ZBTB20: variants seen among roughly 807,000 people sequenced by gnomAD.
The protein encoded by ZBTB20 is zinc finger and BTB domain-containing protein 20.
A neutral mutation model predicts 56.9 loss-of-function variants in ZBTB20; 9 were observed. That is an observed-to-expected ratio of 0.16 (90% CI 0.10 to 0.28). ZBTB20 has a LOEUF of 0.28. Ranked by LOEUF, ZBTB20 falls within the 10% of genes least tolerant of loss-of-function variation. ZBTB20 has a pLI of 1.00. For missense variants in ZBTB20, 655 were observed against 1,003.0 expected, an observed-to-expected ratio of 0.65 and a Z score of 4.69; for synonymous variants, 417 against 420.7, an observed-to-expected ratio of 0.99 and a Z score of 0.11.
At chr3:114,978,373 A>G (rs1174038699) in intron 2 of ZBTB20, among the ~76,000 whole-genome samples, 1 of 150,406 alleles carries the variant, frequency 6.6e-6, no homozygotes, top group Non-Finnish European at 1.5e-5. Context: ...TAAAATACAT[A>G]TGAAATAATA....
chr3:114,857,263 T>C (rs1430070566), intron 4 of ZBTB20, among the ~76,000 whole-genome samples: 2 of 152,188 alleles, frequency 1.3e-5, no homozygotes, highest in African/African-American at 2.4e-5. Flanking sequence ...TTTCTCATCT[T>C]TCCAAAGCCA....
At chr3:114,404,860 C>T (rs2087156747) in intron 7 of ZBTB20, among the ~76,000 whole-genome samples, 1 of 152,134 alleles carries the variant, frequency 6.6e-6, no homozygotes, top group Non-Finnish European at 1.5e-5. Context: ...AGTTTGCCTC[C>T]TTTTACTGCT....
At position 114,327,088 on chromosome 3, in the gene ZBTB20, C is replaced by CTAT. The variant is rs2079089736; in HGVS notation, c.*11914_*11916dup. The CTAT allele has an allele frequency of 6.6e-6, 1 of 152,102 alleles. No individual in the cohort carries two copies. The highest frequency in any genetic ancestry group is 1.5e-5 in the Non-Finnish European group (1 of 68,012). The allele number at this position is 152,102 out of a possible 1,614,324, so 9.4% of individuals were successfully genotyped here. A position where few individuals can be genotyped will look rare whatever the true frequency, so the allele number is the denominator to read the frequency against. On this transcript the variant is annotated 3_prime_UTR_variant, in exon 12 of 12. Coordinates refer to ENST00000675478, the MANE Select transcript of ZBTB20 (RefSeq NM_001348800.3). ...TTTGATGCATTAGTTACTGTTAGGG[C>CTAT]TATTGATGCTCCTGACAGGTGTCAG...
At chr3:114,561,462 T>C (rs1243998752) in intron 6 of ZBTB20, among the ~76,000 whole-genome samples, 1 of 152,182 alleles carries the variant, frequency 6.6e-6, no homozygotes, top group East Asian at 1.9e-4. Context: ...CCTTGATCCA[T>C]GGGCTGCTAA....
At chr3:115,089,766 A>C (rs1381063688) in intron 1 of ZBTB20, among the ~76,000 whole-genome samples, 1 of 151,826 alleles carries the variant, frequency 6.6e-6, no homozygotes, top group Non-Finnish European at 1.5e-5. Context: ...TGTTGTATGC[A>C]AAGATTAAAT....
chr3:114,566,012 TTC>T (rs1246281212), intron 6 of ZBTB20, among the ~76,000 whole-genome samples: 19 of 141,500 alleles, frequency 1.3e-4, no homozygotes, highest in African/African-American at 4.7e-4. Context: ...TTCTTTTTTT[TTC>T]TTTTTTTAAA....
At chr3:114,968,824 A>C (rs971239362) in intron 3 of ZBTB20, among the ~76,000 whole-genome samples, 1 of 152,238 alleles carries the variant, frequency 6.6e-6, no homozygotes, top group Non-Finnish European at 1.5e-5. Flanking sequence ...ATATAAAGTA[A>C]GCCAGGTTTA....
intron 7 of ZBTB20, among the ~76,000 whole-genome samples, chr3:114,400,184 G>A (rs2086692465): frequency 6.6e-6 from 1 of 152,072 alleles, no homozygotes; most frequent in Admixed American, 6.6e-5. Context: ...AGAACCAGCC[G>A]TGTGACCATG....
intron 7 of ZBTB20, among the ~76,000 whole-genome samples, chr3:114,389,717 G>A (rs987945278): frequency 3.3e-5 from 3 of 90,638 alleles, no homozygotes; most frequent in East Asian, 6.7e-4. Context: ...GTGAAACCCC[G>A]TCTCTACTAA....
chr3:114,917,540 A>T (rs1399355913), intron 3 of ZBTB20, among the ~76,000 whole-genome samples: 1 of 152,076 alleles, frequency 6.6e-6, no homozygotes, highest in Admixed American at 6.5e-5. Flanking sequence ...GGACTTGTTT[A>T]TTGTGACTAA....
chr3:114,398,913 G>A (rs2086569148), intron 7 of ZBTB20, among the ~76,000 whole-genome samples: 1 of 152,188 alleles, frequency 6.6e-6, no homozygotes, highest in Non-Finnish European at 1.5e-5. Context: ...TGAATTCAAG[G>A]CAGCTTGGCA....
Position 114,476,610 on chromosome 3 carries a change from C to CA in ZBTB20, c.-255+23741dup, listed in dbSNP as rs572811994. ...CCAGAGAGCAAGAAGGAGCCAAACT[C>CA]ACTTCTATAATGAACCCACTCTCAT... is the stretch of plus-strand genomic sequence containing the variant. On this transcript the variant is annotated intron_variant, in intron 7 of 11. Transcript: ENST00000675478. Among the ~76,000 whole-genome samples the CA allele has an allele frequency of 5.1e-4, 77 of 152,254 alleles. 1 individual carries two copies. Among genetic ancestry groups the CA allele is most frequent in the Admixed American group, 2.7e-3 (41 of 15,290 alleles).
chr3:115,037,153 T>G (rs540483056), intron 2 of ZBTB20, among the ~76,000 whole-genome samples: 1 of 152,164 alleles, frequency 6.6e-6, no homozygotes, highest in East Asian at 1.9e-4. Context: ...ATCGTTTTGC[T>G]TAACAATCTG....
intron 4 of ZBTB20, among the ~76,000 whole-genome samples, chr3:114,845,074 A>T (rs1055902839): frequency 2.6e-5 from 4 of 151,692 alleles, no homozygotes; most frequent in Non-Finnish European, 5.9e-5. Context: ...TTTTCATGAA[A>T]TCTAATTTAT....
At chr3:114,867,725 G>A (rs531188889) in intron 4 of ZBTB20, among the ~76,000 whole-genome samples, 3 of 152,166 alleles carry the variant, frequency 2.0e-5, no homozygotes, top group East Asian at 1.9e-4. Flanking sequence ...GTGAGCCACC[G>A]CACCTGCCCC....
At chr3:114,682,903 G>C (rs1248440792) in intron 6 of ZBTB20, among the ~76,000 whole-genome samples, 2 of 152,150 alleles carry the variant, frequency 1.3e-5, no homozygotes, top group Non-Finnish European at 2.9e-5. Context: ...TAAGTGACTT[G>C]CTTTGACTAA....
chr3:114,942,608 C>T (rs992971108), intron 3 of ZBTB20, among the ~76,000 whole-genome samples: 1 of 145,380 alleles, frequency 6.9e-6, no homozygotes, highest in African/African-American at 2.8e-5. Context: ...ATCACCCCCT[C>T]GTTGAGAAAA....
At chr3:114,589,945 C>T (rs2055572847) in intron 6 of ZBTB20, among the ~76,000 whole-genome samples, 1 of 152,144 alleles carries the variant, frequency 6.6e-6, no homozygotes, top group Admixed American at 6.5e-5. Context: ...ACCACCAACA[C>T]ATGTTAACTT....
intron 10 of ZBTB20, among the ~76,000 whole-genome samples, chr3:114,358,915 T>C (rs2081519245): frequency 1.3e-5 from 2 of 152,172 alleles, no homozygotes; most frequent in South Asian, 4.1e-4. Flanking sequence ...CCTGTGAATA[T>C]CATAACTGAT....
Sources: allele counts gnomAD v4.1 joint callset (sites outside exome capture counted in the v4.1 genomes callset), GRCh38; gene constraint gnomAD v4.1.1; transcripts MANE v1.5; gene names NCBI Gene and HGNC (gene_info 2026-07-23, HGNC 2026-07-21).